Variants in FANCM observed in about 807,000 individuals in gnomAD.
FANCM encodes the protein Fanconi anemia group M protein.
FANCM carries 140 observed loss-of-function variants against 199.5 expected under a neutral mutation model. That is an observed-to-expected ratio of 0.70 (90% CI 0.61 to 0.81). FANCM has a LOEUF of 0.81. FANCM is among the 30% of genes least tolerant of loss of function. FANCM has a pLI of 0.00. For synonymous variants in FANCM, 840 were observed against 836.8 expected (o/e 1.00, Z -0.07); for missense variants, 2,410 against 2,421.4 (o/e 1.00, Z 0.10).
intron 3 of FANCM, among the ~76,000 whole-genome samples, chr14:45,141,058 G>A (rs1011745824): frequency 6.6e-6 from 1 of 152,056 alleles, no homozygotes; most frequent in African/African-American, 2.4e-5. Flanking sequence ...GGAGGCCAAG[G>A]TGGGCGGATC....
chr14:45,194,964 G>T (rs1214520921), intron 20 of FANCM, among the ~76,000 whole-genome samples: 4 of 152,102 alleles, frequency 2.6e-5, no homozygotes. Context: ...GGCCAGGCTG[G>T]TCTCGAACTC....
intron 5 of FANCM, among the ~76,000 whole-genome samples, chr14:45,152,718 A>C (rs1197247192): frequency 4.6e-5 from 7 of 152,248 alleles, no homozygotes; most frequent in African/African-American, 1.2e-4. Flanking sequence ...ATGATAATAT[A>C]GGTTGTACTA....
In FANCM at chr14:45,154,047, C is replaced by T. The variant is rs1029198668; in HGVS notation, c.1178C>T (p.Thr393Ile). The change falls in exon 6 of 23, where the codon ACT becomes ATT. Residue 393 changes from threonine (T) to isoleucine (I), a missense_variant. By Grantham distance (89) the Thr-to-Ile change is moderately conservative. Coordinates refer to ENST00000267430, the MANE Select transcript of FANCM (RefSeq NM_020937.4). The part of the protein sequence containing the change: ...YFFLCGIMDG[T>I]KGMTRSKNEL... ...TTCCTTTGTGGAATTATGGATGGAA[C>T]TAAAGGTAAATTATATCAAATTATT... 4 of 1,550,828 alleles carry T rather than the reference C, an allele frequency of 2.6e-6. No homozygotes were observed. Among genetic ancestry groups the T allele is most frequent in the Non-Finnish European group, 3.6e-6 (4 of 1,122,834 alleles).
At chr14:45,152,259 A>G (rs957792639) in intron 5 of FANCM, among the ~76,000 whole-genome samples, 1 of 151,952 alleles carries the variant, frequency 6.6e-6, no homozygotes, top group South Asian at 2.1e-4. Flanking sequence ...CGACCTCCTG[A>G]CCTCAGGTGA....
At chr14:45,136,589 C>G in intron 1 of FANCM, 50 bp downstream of exon 1, 2 of 1,563,794 alleles carry the variant, frequency 1.3e-6, no homozygotes, top group Middle Eastern at 1.7e-4. Flanking sequence ...ATTCCTGACC[C>G]ATGTGGAATA....
In FANCM at chr14:45,151,480, A is replaced by G; in HGVS notation, c.1002A>G (p.Ile334Met). 2 of 1,612,650 alleles carry G rather than the reference A, an allele frequency of 1.2e-6. No homozygotes were observed. Among genetic ancestry groups the G allele is most frequent in the Non-Finnish European group, 1.7e-6 (2 of 1,178,686 alleles). Residue 334 changes from isoleucine to methionine, a missense_variant, in exon 5 of 23, where the codon ATA becomes ATG. By Grantham distance (10) the Ile-to-Met change is conservative (BLOSUM62 1). Transcript: ENST00000267430. ...TCCCAAATCTAACAAAATATCAGAT[A>G]ATTCTGGCAAGAGATCAGTTTAGGA... ...RDIPNLTKYQ[I>M]ILARDQFRKN...
chr14:45,164,480 T>C lies in FANCM; in HGVS notation c.1703T>C (p.Ile568Thr), dbSNP rs764204806. 3 of 1,613,762 alleles carry C rather than the reference T, an allele frequency of 1.9e-6. No individual in the cohort carries two copies. The African/African-American group carries it at 4.0e-5, about 22-fold the overall frequency. Reference sequence around the variant, plus strand: ...TGTTTTGATTCCCAGAAGAGCCCAATTCGTCTTGTACAACGAATGGGTAGA... The same window carrying C: ...TGTTTTGATTCCCAGAAGAGCCCAACTCGTCTTGTACAACGAATGGGTAGA... ...IICFDSQKSP[I>T]RLVQRMGRTG... Residue 568 changes from isoleucine to threonine, a missense_variant, in exon 10 of 23, where the codon ATT becomes ACT. By Grantham distance (89) the Ile-to-Thr change is moderately conservative (BLOSUM62 -1). Transcript: ENST00000267430.
chr14:45,142,313 T>C (rs934534663), intron 3 of FANCM, among the ~76,000 whole-genome samples: 13 of 150,976 alleles, frequency 8.6e-5, no homozygotes, highest in Admixed American at 2.6e-4. Flanking sequence ...TTTTTCTTTT[T>C]TTTTTTTTTT....
At chr14:45,169,383 G>GT (rs202096596) in intron 11 of FANCM, among the ~76,000 whole-genome samples, 20,115 of 137,454 alleles carry the variant, frequency 0.15, 1,488 homozygotes, top group South Asian at 0.21. Flanking sequence ...TTATTTATTT[G>GT]TTTTTTTTTT....
intron 14 of FANCM, among the ~76,000 whole-genome samples, chr14:45,179,134 G>A (rs1374238104): frequency 6.6e-6 from 1 of 152,160 alleles, no homozygotes; most frequent in Non-Finnish European, 1.5e-5. Flanking sequence ...GGGAGGCAGA[G>A]GTTCCAGTGA....
chr14:45,161,191 C>T lies in FANCM; in HGVS notation c.1581+1911C>T, dbSNP rs149797974. ...TTGATTTTACTGACTTTATCATTTACTCATTTATGTCAATAATATTTTAAA... is the reference window on the plus strand; with the variant it reads ...TTGATTTTACTGACTTTATCATTTATTCATTTATGTCAATAATATTTTAAA... On this transcript the variant is annotated intron_variant, in intron 9 of 22. Transcript: ENST00000267430. Among the ~76,000 whole-genome samples, 439 of 152,234 alleles carry T rather than the reference C, an allele frequency of 2.9e-3. 2 individuals carry two copies. The highest frequency in any genetic ancestry group is 0.01 in the African/African-American group (425 of 41,540).
chr14:45,176,513 T>C lies in FANCM; in HGVS notation c.3759T>C (p.Asn1253=), dbSNP rs762631403. The C allele has an allele frequency of 1.2e-6, 2 of 1,604,454 alleles. No individual in the cohort carries two copies. The highest frequency in any genetic ancestry group is 1.3e-5 in the African/African-American group (1 of 74,580). Residue 1253 remains asparagine (N), a synonymous_variant, in exon 14 of 23, where the codon AAT becomes AAC. Coordinates refer to ENST00000267430, the MANE Select transcript of FANCM (RefSeq NM_020937.4). The stretch of plus-strand genomic sequence containing the variant: ...TATTGGAACATACATCAGATAGCAA[T>C]AGACCTCTAGATGATCTATATGGAA... ...DEILEHTSDS[N]RPLDDLYGRY...
At chr14:45,137,306 A>G in intron 2 of FANCM, 65 bp downstream of exon 2, 1 of 1,309,932 alleles carries the variant, frequency 7.6e-7, no homozygotes, top group Non-Finnish European at 1.1e-6. Flanking sequence ...TTTGGCGAAT[A>G]GTTACTAGTG....
intron 22 of FANCM, 44 bp downstream of exon 22, chr14:45,198,979 T>G: frequency 6.9e-7 from 1 of 1,453,062 alleles, no homozygotes; most frequent in Non-Finnish European, 9.6e-7. Context: ...TTTAAAAGAT[T>G]CGTAAAAGCA....
rs1399463674 is a variant in FANCM at position 45,151,436 on chromosome 14, G to A, written c.958G>A (p.Val320Ile). The change falls in exon 5 of 23, where the codon GTT becomes ATT. Residue 320 changes from valine to isoleucine, a missense_variant. Coordinates refer to ENST00000267430, the MANE Select transcript of FANCM (RefSeq NM_020937.4). Reference sequence around the variant, plus strand: ...TGCTCGTTCTTTGATTCAGAGGAATGTTTTGATGAGAAGGGATATCCCAAA... The same window carrying A: ...TGCTCGTTCTTTGATTCAGAGGAATATTTTGATGAGAAGGGATATCCCAAA... The part of the protein sequence containing the change: ...SFARSLIQRN[V>I]LMRRDIPNLT... 7 of 1,613,510 alleles carry A rather than the reference G, an allele frequency of 4.3e-6. No individual in the cohort carries two copies. The highest frequency in any genetic ancestry group is 5.9e-6 in the Non-Finnish European group (7 of 1,179,542).
At chr14:45,176,999 T>A in intron 14 of FANCM, 23 bp downstream of exon 14, 3 of 1,403,402 alleles carry the variant, frequency 2.1e-6, no homozygotes, top group Non-Finnish European at 3.0e-6. Flanking sequence ...CTTTATAAAG[T>A]CTATAACTCT....
At chr14:45,147,972 C>T (rs376035684) in intron 3 of FANCM, among the ~76,000 whole-genome samples, 8 of 150,790 alleles carry the variant, frequency 5.3e-5, no homozygotes, top group South Asian at 2.1e-4. Context: ...CCAAGGTGGG[C>T]GAATCATGAG....
intron 8 of FANCM, among the ~76,000 whole-genome samples, chr14:45,158,265 A>G (rs1887338767): frequency 6.6e-6 from 1 of 152,196 alleles, no homozygotes; most frequent in South Asian, 2.1e-4. Flanking sequence ...TATATGTGCA[A>G]AACTATATAC....
At chr14:45,190,325 A>G (rs571877414) in intron 20 of FANCM, among the ~76,000 whole-genome samples, 3 of 152,322 alleles carry the variant, frequency 2.0e-5, no homozygotes, top group Admixed American at 6.5e-5. Context: ...ACTAAAAAAT[A>G]CTTTTTAGAA....
Sources: gnomAD v4.1 joint callset for allele counts (sites outside exome capture counted in the v4.1 genomes callset) on GRCh38, gnomAD v4.1.1 for gene constraint, MANE v1.5 for transcripts, NCBI Gene and HGNC (gene_info 2026-07-23, HGNC 2026-07-21) for gene names.